The following SPIRE1 variants were observed in gnomAD, a reference collection of about 807,000 sequenced individuals.
SPIRE1 encodes the protein spire type actin nucleation factor 1, also known as protein spire homolog 1.
In SPIRE1, 40 loss-of-function variants were observed where a neutral mutation model predicts 94.1. The observed-to-expected ratio is 0.43, with a 90% CI of 0.33 to 0.55. The LOEUF (loss-of-function observed/expected upper bound fraction) is 0.55. SPIRE1 is among the 20% of genes least tolerant of loss of function. The pLI, the probability that SPIRE1 is intolerant of heterozygous loss-of-function variation, is 0.06. For missense variants in SPIRE1, 838 were observed against 975.2 expected, an observed-to-expected ratio of 0.86 and a Z score of 1.87; for synonymous variants, 376 against 371.7, an observed-to-expected ratio of 1.01 and a Z score of -0.13.
At chr18:12,580,973 A>G (rs1404386330) in intron 2 of SPIRE1, among the ~76,000 whole-genome samples, 1 of 152,212 alleles carries the variant, frequency 6.6e-6, no homozygotes, top group Non-Finnish European at 1.5e-5. Flanking sequence ...TCTTATTGCC[A>G]CATGATTCCA....
At position 12,509,816 on chromosome 18, in the gene SPIRE1, C is replaced by T. The variant is rs192157509; in HGVS notation, c.807+2638G>A. On this transcript the variant is annotated intron_variant, in intron 5 of 16. Transcript: ENST00000409402. ...AGTACATACCAGCTGGGTGCGGAGG[C>T]TCATACCTGTAATCCCAGCACTTTG... Among the ~76,000 whole-genome samples the T allele has an allele frequency of 7.9e-5, 12 of 152,272 alleles. No homozygotes were observed. The East Asian group carries it at 2.3e-3, about 29-fold the overall frequency.
intron 16 of SPIRE1, chr18:12,450,813 C>A: frequency 1.4e-6 from 1 of 734,572 alleles, no homozygotes; most frequent in Non-Finnish European, 2.5e-6. Flanking sequence ...GGAGACATGG[C>A]AAAAAAGCTG....
At chr18:12,517,948 T>C (rs940513784) in intron 4 of SPIRE1, among the ~76,000 whole-genome samples, 1 of 152,226 alleles carries the variant, frequency 6.6e-6, no homozygotes, top group African/African-American at 2.4e-5. Context: ...CATGTGTACA[T>C]GTTTTCAGTT....
chr18:12,619,985 A>C (rs1260370766), intron 2 of SPIRE1, among the ~76,000 whole-genome samples: 1 of 152,140 alleles, frequency 6.6e-6, no homozygotes, highest in Non-Finnish European at 1.5e-5. Flanking sequence ...AAAATTAATA[A>C]ATGAATTCAG....
chr18:12,568,679 C>A (rs980005163), intron 2 of SPIRE1, among the ~76,000 whole-genome samples: 3 of 152,206 alleles, frequency 2.0e-5, no homozygotes, highest in Non-Finnish European at 4.4e-5. Flanking sequence ...AGACTAAGCT[C>A]CTTGAAGGCA....
intron 1 of SPIRE1, among the ~76,000 whole-genome samples, chr18:12,649,216 A>C (rs879753265): frequency 9.2e-5 from 14 of 152,128 alleles, no homozygotes; most frequent in Non-Finnish European, 1.3e-4. Flanking sequence ...GTTCAAGAGC[A>C]GTCTGGGCAA....
chr18:12,498,110 A>C (rs2033524841), intron 6 of SPIRE1, among the ~76,000 whole-genome samples: 1 of 152,208 alleles, frequency 6.6e-6, no homozygotes, highest in South Asian at 2.1e-4. Flanking sequence ...ACTTATCAAA[A>C]AATCTGAAAT....
At position 12,504,178 on chromosome 18, in the gene SPIRE1, A is replaced by G. The variant is rs1188090068; in HGVS notation, c.972+2299T>C. 1.4e-5 allele frequency among the ~76,000 whole-genome samples: 2 copies of G among 147,744 alleles called. 1 individual carries two copies. The highest frequency in any genetic ancestry group is 3.0e-5 in the Non-Finnish European group (2 of 66,684). On this transcript the variant is annotated intron_variant, in intron 6 of 16. Coordinates refer to ENST00000409402, the MANE Select transcript of SPIRE1 (RefSeq NM_001128626.2). ...GTTTAGCTTATTAAAATTAACAAGCAGCTCAAATAGCCACTTAAACCAATT... is the reference window on the plus strand; with the variant it reads ...GTTTAGCTTATTAAAATTAACAAGCGGCTCAAATAGCCACTTAAACCAATT...
chr18:12,507,183 G>C (rs2033864845), intron 5 of SPIRE1, among the ~76,000 whole-genome samples: 1 of 152,202 alleles, frequency 6.6e-6, no homozygotes, highest in African/African-American at 2.4e-5. Flanking sequence ...AGACCCATGA[G>C]TTAGTAAGTG....
At chr18:12,465,272 GC>G (rs1362374904) in intron 10 of SPIRE1, among the ~76,000 whole-genome samples, 3 of 151,982 alleles carry the variant, frequency 2.0e-5, no homozygotes, top group Admixed American at 1.3e-4. Flanking sequence ...TACCTTCTGG[GC>G]CCAAGTGATC....
chr18:12,627,868 T>C (rs1040982366), intron 2 of SPIRE1, among the ~76,000 whole-genome samples: 1 of 152,242 alleles, frequency 6.6e-6, no homozygotes, highest in African/African-American at 2.4e-5. Context: ...TTGAGAAGTG[T>C]CTGTTCATAT....
chr18:12,656,990 T>G (rs976122276), intron 1 of SPIRE1, among the ~76,000 whole-genome samples: 4 of 152,258 alleles, frequency 2.6e-5, no homozygotes, highest in African/African-American at 9.6e-5. Context: ...TTCAGAATCA[T>G]CTTTACATTT....
intron 4 of SPIRE1, among the ~76,000 whole-genome samples, chr18:12,526,662 G>A (rs1315163467): frequency 6.6e-6 from 1 of 152,044 alleles, no homozygotes; most frequent in Non-Finnish European, 1.5e-5. Context: ...AACGTTAGCA[G>A]TATTAATCAT....
chr18:12,569,302 A>G (rs1231365818), intron 2 of SPIRE1, among the ~76,000 whole-genome samples: 2 of 150,790 alleles, frequency 1.3e-5, no homozygotes, highest in Non-Finnish European at 3.0e-5. Context: ...GATCACACCA[A>G]TGCACTCCTG....
chr18:12,470,562 CAGA>C (rs1362375707), intron 10 of SPIRE1, among the ~76,000 whole-genome samples: 2 of 152,110 alleles, frequency 1.3e-5, no homozygotes, highest in African/African-American at 2.4e-5. Flanking sequence ...CTTAGACACT[CAGA>C]AGGAGAGCCA....
At chr18:12,504,483 G>C (rs1019840) in intron 6 of SPIRE1, among the ~76,000 whole-genome samples, 3 of 151,952 alleles carry the variant, frequency 2.0e-5, no homozygotes, top group Non-Finnish European at 4.4e-5. Flanking sequence ...CTTCAGCCTC[G>C]GCAAAAAGAG....
chr18:12,645,864 C>T (rs944628983), intron 1 of SPIRE1, among the ~76,000 whole-genome samples: 3 of 152,142 alleles, frequency 2.0e-5, no homozygotes, highest in African/African-American at 7.2e-5. Context: ...GCCAACGTGC[C>T]TTTCCAGCCC....
At position 12,493,079 on chromosome 18, in the gene SPIRE1, G is replaced by T; in HGVS notation, c.1182C>A (p.Ser394Arg). ...AGGAAGCAGTGGACTCACCTAATCT[G>T]CTACGTCTAATCTCCTCTGGTGATA... ...RPVSPEEIRR[S>R]RLAMRPLSMS... The change falls in exon 8 of 17, where the codon AGC (serine) becomes AGA (arginine). Residue 394 changes from serine to arginine, a missense_variant. This residue lies in a region of SPIRE1 where 645 missense variants were observed against 804.7 expected (regional missense o/e 0.80). Transcript: ENST00000409402. 1.9e-6 allele frequency: 3 copies of T among 1,610,866 alleles called. No individual in the cohort carries two copies. Among genetic ancestry groups the T allele is most frequent in the Non-Finnish European group, 2.5e-6 (3 of 1,179,304 alleles).
intron 4 of SPIRE1, among the ~76,000 whole-genome samples, chr18:12,520,447 T>C (rs2034327030): frequency 6.6e-6 from 1 of 152,164 alleles, no homozygotes; most frequent in Non-Finnish European, 1.5e-5. Context: ...AATATTCTTG[T>C]GAAACATTTT....
Sources: allele counts gnomAD v4.1 joint callset (sites outside exome capture counted in the v4.1 genomes callset), GRCh38; gene constraint gnomAD v4.1.1; regional missense constraint gnomAD v4.1.1; transcripts MANE v1.5; gene names NCBI Gene and HGNC (gene_info 2026-07-23, HGNC 2026-07-21).